Variants in MCL1 observed in about 807,000 individuals in gnomAD.
MCL1 encodes the protein MCL1 apoptosis regulator, BCL2 family member, also known as induced myeloid leukemia cell differentiation protein Mcl-1.
Under a neutral mutation model 24.2 loss-of-function variants are expected in MCL1, and 4 were observed. The observed-to-expected ratio is 0.17, with a 90% CI of 0.08 to 0.38. MCL1 has a LOEUF of 0.38. Ranked by LOEUF, MCL1 falls within the 10% of genes least tolerant of loss-of-function variation. The pLI, the probability that MCL1 is intolerant of heterozygous loss-of-function variation, is 1.00. For missense variants in MCL1, 529 were observed against 480.3 expected, an observed-to-expected ratio of 1.10 and a Z score of -0.95; for synonymous variants, 248 against 214.0, an observed-to-expected ratio of 1.16 and a Z score of -1.39.
rs1214447109 is a variant in MCL1, at chr1:150,575,441, CCT to C, written c.*1932_*1933del. The C allele has an allele frequency of 2.1e-5, 5 of 232,994 alleles. No homozygotes were observed. Among genetic ancestry groups the C allele is most frequent in the African/African-American group, 8.8e-5 (4 of 45,444 alleles). The allele number at this position is 232,994 out of a possible 1,614,324, so 14.4% of individuals were successfully genotyped here. On this transcript the variant is annotated 3_prime_UTR_variant, in exon 3 of 3. Coordinates refer to ENST00000369026, the MANE Select transcript of MCL1 (RefSeq NM_021960.5). Reference sequence around the variant, plus strand: ...AAACTCTGAGGTTTAACACAGCTCACCTCTTTCTGTAAATTTAAGTGAGCATA... The same window carrying C: ...AAACTCTGAGGTTTAACACAGCTCACCTTTCTGTAAATTTAAGTGAGCATA...
chr1:150,579,476 C>T lies in MCL1; in HGVS notation c.55G>A (p.Ala19Thr). 1.9e-6 allele frequency: 3 copies of T among 1,592,200 alleles called. No individual in the cohort carries two copies. The highest frequency in any genetic ancestry group is 1.1e-5 in the South Asian group (1 of 89,804). The part of the protein sequence containing the change: ...VIGLNLYCGG[A>T]GLGAGSGGAT... ...CCGCCGCTGCCGGCCCCCAAGCCGG[C>T]CCCCCCACAGTAGAGGTTGAGTCCG... Residue 19 changes from alanine to threonine, a missense_variant, in exon 1 of 3, where the codon GCC (alanine) becomes ACC (threonine). Coordinates refer to ENST00000369026, the MANE Select transcript of MCL1 (RefSeq NM_021960.5).
Position 150,578,472 on chromosome 1 carries a change from G to A in MCL1, c.708C>T (p.Asp236=), listed in dbSNP as rs376064510. 5 of 1,614,044 alleles carry A rather than the reference G, an allele frequency of 3.1e-6. No homozygotes were observed. In the African/African-American group the frequency reaches 5.3e-5, roughly 17 times the overall value. The change falls in exon 2 of 3, where the codon GAC becomes GAT. Residue 236 remains aspartate, a synonymous_variant. Coordinates refer to ENST00000369026, the MANE Select transcript of MCL1 (RefSeq NM_021960.5). ...TAFQGMLRKL[D]IKNEDDVKSL... ...ATTTCACATCGTCTTCGTTTTTGAT[G>A]TCCAGTTTCCGAAGCATGCCTGAGA...
In MCL1 at chr1:150,576,586, CG is replaced by C; in HGVS notation, c.*788del. 4.3e-6 allele frequency: 1 copy of C among 232,266 alleles called. No individual in the cohort carries two copies. Among genetic ancestry groups the C allele is most frequent in the Non-Finnish European group, 8.5e-6 (1 of 117,322 alleles). The allele number at this position is 232,266 out of a possible 1,614,324, so 14.4% of individuals were successfully genotyped here. ...GCTGTAAGAAACAGGTTCCTAATTA[CG>C]GAAGTTGCAAAGTTCAAAAGGGTAT... On this transcript the variant is annotated 3_prime_UTR_variant, in exon 3 of 3. Coordinates refer to ENST00000369026, the MANE Select transcript of MCL1 (RefSeq NM_021960.5).
rs1647969988 is a variant in MCL1 at position 150,579,241 on chromosome 1, A to G, written c.290T>C (p.Leu97Pro). ...PDVTATPARL[L>P]FFAPTRRAAP... ...CGCGCGGCGGGTGGGCGCGAAGAAA[A>G]GCAGCCTCGCGGGGGTCGCGGTGAC... is the stretch of plus-strand genomic sequence containing the variant. Residue 97 changes from leucine (L) to proline (P), a missense_variant, in exon 1 of 3, where the codon CTT becomes CCT. Transcript: ENST00000369026. The G allele has an allele frequency of 6.5e-7, 1 of 1,542,298 alleles. No individual in the cohort carries two copies. The highest frequency in any genetic ancestry group is 2.0e-5 in the Admixed American group (1 of 49,558).
chr1:150,579,365 C>A lies in MCL1; in HGVS notation c.166G>T (p.Val56Leu), dbSNP rs2101700281. The change falls in exon 1 of 3, where the codon GTG (valine) becomes TTG (leucine). Residue 56 changes from valine to leucine, a missense_variant. Physicochemically the swap from Val to Leu is conservative, Grantham distance 32. Transcript: ENST00000369026. ...CTTGCGCCGGCGCTTCCGCCAATCA[C>A]CGCGCCGGCCTCCCCTCCCCCTATC... The part of the protein sequence containing the change: ...REIGGGEAGA[V>L]IGGSAGASPP... The A allele has an allele frequency of 1.3e-6, 2 of 1,488,820 alleles. No individual in the cohort carries two copies. Among genetic ancestry groups the A allele is most frequent in the South Asian group, 1.4e-5 (1 of 73,782 alleles). 92.2% of individuals were successfully genotyped at this position (1,488,820 alleles called of 1,614,324 possible).
In MCL1 at chr1:150,577,488, C is replaced by T. The variant is rs1570981007; in HGVS notation, c.940G>A (p.Gly314Arg). 6.2e-7 allele frequency: 1 copy of T among 1,603,378 alleles called. No homozygotes were observed. Among genetic ancestry groups the T allele is most frequent in the Non-Finnish European group, 8.5e-7 (1 of 1,176,764 alleles). ...TCTACATGGAAGAACTCCACAAACCCATCCTAGAAAACAAAAAAGAAAAGC... is the reference window on the plus strand; with the variant it reads ...TCTACATGGAAGAACTCCACAAACCTATCCTAGAAAACAAAAAAGAAAAGC... ...DWLVKQRGWD[G>R]FVEFFHVEDL... Residue 314 changes from glycine (G) to arginine (R), a missense_variant, in exon 3 of 3, where the codon GGG becomes AGG. By Grantham distance (125) the Gly-to-Arg change is moderately radical. Transcript: ENST00000369026.
rs192106468 is a variant in MCL1, at chr1:150,577,141, T to C, written c.*234A>G. 2.0e-3 allele frequency: 895 copies of C among 455,648 alleles called. 26 individuals are homozygous for C. The East Asian group carries it at 0.03, about 15-fold the overall frequency. The allele number at this position is 455,648 out of a possible 1,614,324, so 28.2% of individuals were successfully genotyped here. A position where few individuals can be genotyped will look rare whatever the true frequency, so the allele number is the denominator to read the frequency against. On this transcript the variant is annotated 3_prime_UTR_variant, in exon 3 of 3. Coordinates refer to ENST00000369026, the MANE Select transcript of MCL1 (RefSeq NM_021960.5). ...TCCTCCATAGCTTCCCAAACAAAGT[T>C]TGTTTGTTGCTGAAACTGAACTTTG...
In MCL1 at chr1:150,576,453, T is replaced by C. The variant is rs1647810017; in HGVS notation, c.*922A>G. 4.3e-6 allele frequency: 1 copy of C among 232,278 alleles called. No individual in the cohort carries two copies. The highest frequency in any genetic ancestry group is 6.1e-5 in the East Asian group (1 of 16,282). 14.4% of individuals were successfully genotyped at this position (232,278 alleles called of 1,614,324 possible). A position where few individuals can be genotyped will look rare whatever the true frequency, so the allele number is the denominator to read the frequency against. On this transcript the variant is annotated 3_prime_UTR_variant, in exon 3 of 3. Coordinates refer to ENST00000369026, the MANE Select transcript of MCL1 (RefSeq NM_021960.5). ...AAAATCAGATAAGAAAATTTAAACC[T>C]GCATAGTTATCAGATTTGTTCCACT...
intron 1 of MCL1, 31 bp downstream of exon 1, chr1:150,578,812 T>G (rs759684687): frequency 1.3e-6 from 2 of 1,584,966 alleles, no homozygotes; most frequent in Non-Finnish European, 1.7e-6. Flanking sequence ...AAAAAGGGAG[T>G]GAGGCCTTGG....
chr1:150,579,234 G>A lies in MCL1; in HGVS notation c.297C>T (p.Phe99=), dbSNP rs772436306. 17 of 1,554,476 alleles carry A rather than the reference G, an allele frequency of 1.1e-5. No individual in the cohort carries two copies. In the Middle Eastern group the frequency reaches 5.2e-4, roughly 47 times the overall value. The change falls in exon 1 of 3, where the codon TTC becomes TTT. Residue 99 remains phenylalanine, a synonymous_variant. Coordinates refer to ENST00000369026, the MANE Select transcript of MCL1 (RefSeq NM_021960.5). Reference sequence around the variant, plus strand: ...GCGGCGCCGCGCGGCGGGTGGGCGCGAAGAAAAGCAGCCTCGCGGGGGTCG... The same window carrying A: ...GCGGCGCCGCGCGGCGGGTGGGCGCAAAGAAAAGCAGCCTCGCGGGGGTCG... ...VTATPARLLF[F]APTRRAAPLE...
At position 150,576,036 on chromosome 1, in the gene MCL1, T is replaced by C. The variant is rs1385151061; in HGVS notation, c.*1339A>G. The C allele has an allele frequency of 8.6e-6, 2 of 233,572 alleles. No individual in the cohort carries two copies. The highest frequency in any genetic ancestry group is 2.2e-5 in the African/African-American group (1 of 45,342). The allele number at this position is 233,572 out of a possible 1,614,324, so 14.5% of individuals were successfully genotyped here. On this transcript the variant is annotated 3_prime_UTR_variant, in exon 3 of 3. Coordinates refer to ENST00000369026, the MANE Select transcript of MCL1 (RefSeq NM_021960.5). ...CTGTGTGTGTAACAAGCAAGCCTAA[T>C]AATAGCACCATGGTTAGACTAGCCT...
Position 150,577,144 on chromosome 1 carries a change from T to C in MCL1, c.*231A>G. ...TCCATAGCTTCCCAAACAAAGTTTG[T>C]TTGTTGCTGAAACTGAACTTTGCTT... On this transcript the variant is annotated 3_prime_UTR_variant, in exon 3 of 3. Coordinates refer to ENST00000369026, the MANE Select transcript of MCL1 (RefSeq NM_021960.5). The C allele has an allele frequency of 2.1e-6, 1 of 466,398 alleles. No homozygotes were observed. The highest frequency in any genetic ancestry group is 3.8e-6 in the Non-Finnish European group (1 of 262,460). The allele number at this position is 466,398 out of a possible 1,614,324, so 28.9% of individuals were successfully genotyped here.
rs2101695404 is a variant in MCL1, at chr1:150,578,247, G to A, written c.933C>T (p.Gly311=). ...TTCATCCTTAAGGCAAACTTACCCAGCCTCTTTGTTTAACTAGCCAGTCCC... is the reference window on the plus strand; with the variant it reads ...TTCATCCTTAAGGCAAACTTACCCAACCTCTTTGTTTAACTAGCCAGTCCC... ...TKRDWLVKQR[G]WDGFVEFFHV... The change falls in exon 2 of 3, where the codon GGC becomes GGT. Residue 311 remains glycine (G), a synonymous_variant. Coordinates refer to ENST00000369026, the MANE Select transcript of MCL1 (RefSeq NM_021960.5). The A allele has an allele frequency of 6.2e-7, 1 of 1,613,028 alleles. No individual in the cohort carries two copies. The highest frequency in any genetic ancestry group is 1.1e-5 in the South Asian group (1 of 90,860).
At chr1:150,578,673 C>G in intron 1 of MCL1, 170 bp downstream of exon 1, 2 of 1,025,016 alleles carry the variant, frequency 2.0e-6, no homozygotes, top group East Asian at 2.5e-5. Flanking sequence ...CCAAAAGAAT[C>G]AAGATGGGCG....
rs754763165 is a variant in MCL1 at position 150,574,595 on chromosome 1, CAG to C, written c.*2778_*2779del. ...ATTTATTTTTTTTTCTCAGGAAAAA[CAG>C]AAAGTTAGGGAAACACACTACATTT... On this transcript the variant is annotated 3_prime_UTR_variant, in exon 3 of 3. Transcript: ENST00000369026. 35 of 230,800 alleles carry C rather than the reference CAG, an allele frequency of 1.5e-4. 1 individual carries two copies. The highest frequency in any genetic ancestry group is 5.8e-4 in the African/African-American group (26 of 45,104). The allele number at this position is 230,800 out of a possible 1,614,324, so 14.3% of individuals were successfully genotyped here. A position where few individuals can be genotyped will look rare whatever the true frequency, so the allele number is the denominator to read the frequency against.
At position 150,575,796 on chromosome 1, in the gene MCL1, G is replaced by A. The variant is rs914617941; in HGVS notation, c.*1579C>T. The stretch of plus-strand genomic sequence containing the variant: ...GGCTAGAAAGAGTTCAGGGATGGCA[G>A]GGGAAAGCTGTAGGAATTGATATAA... On this transcript the variant is annotated 3_prime_UTR_variant, in exon 3 of 3. Transcript: ENST00000369026. The A allele has an allele frequency of 7.3e-5, 17 of 233,104 alleles. No homozygotes were observed. The highest frequency in any genetic ancestry group is 3.5e-4 in the African/African-American group (16 of 45,312). The allele number at this position is 233,104 out of a possible 1,614,324, so 14.4% of individuals were successfully genotyped here. A position where few individuals can be genotyped will look rare whatever the true frequency, so the allele number is the denominator to read the frequency against.
chr1:150,579,606 G>C lies in MCL1; in HGVS notation c.-76C>G, dbSNP rs1488207374. The stretch of plus-strand genomic sequence containing the variant: ...CCTTACTGGAAGGAAGCGGAAGTGA[G>C]AAGTGGCGAGCAGCTCCTTTATCAC... On this transcript the variant is annotated 5_prime_UTR_variant, in exon 1 of 3. Coordinates refer to ENST00000369026, the MANE Select transcript of MCL1 (RefSeq NM_021960.5). 6.9e-7 allele frequency: 1 copy of C among 1,444,422 alleles called. No individual in the cohort carries two copies. Among genetic ancestry groups the C allele is most frequent in the East Asian group, 2.6e-5 (1 of 38,538 alleles). 89.5% of individuals were successfully genotyped at this position (1,444,422 alleles called of 1,614,324 possible).
chr1:150,575,483 A>G lies in MCL1; in HGVS notation c.*1892T>C. 4.3e-6 allele frequency: 1 copy of G among 233,086 alleles called. No homozygotes were observed. The highest frequency in any genetic ancestry group is 2.2e-5 in the African/African-American group (1 of 45,456). 14.4% of individuals were successfully genotyped at this position (233,086 alleles called of 1,614,324 possible). A position where few individuals can be genotyped will look rare whatever the true frequency, so the allele number is the denominator to read the frequency against. ...AAGTGAGCATACTCCTATACAAAGG[A>G]AACTTTAGAGAAAGCCTCATAAAAT... is the stretch of plus-strand genomic sequence containing the variant. On this transcript the variant is annotated 3_prime_UTR_variant, in exon 3 of 3. Transcript: ENST00000369026.
chr1:150,576,380 A>C lies in MCL1; in HGVS notation c.*995T>G, dbSNP rs1369436224. 1 of 226,516 alleles carries C rather than the reference A, an allele frequency of 4.4e-6. No individual in the cohort carries two copies. The highest frequency in any genetic ancestry group is 8.6e-6 in the Non-Finnish European group (1 of 116,440). 14.0% of individuals were successfully genotyped at this position (226,516 alleles called of 1,614,324 possible). A position where few individuals can be genotyped will look rare whatever the true frequency, so the allele number is the denominator to read the frequency against. ...TGAAGTGAAAGAATTTCCATTCATC[A>C]ACCTCTCAATCCCAGGTTTTCAAAG... On this transcript the variant is annotated 3_prime_UTR_variant, in exon 3 of 3. Transcript: ENST00000369026.
Sources: allele counts gnomAD v4.1 joint callset, GRCh38; gene constraint gnomAD v4.1.1; transcripts MANE v1.5; gene names NCBI Gene and HGNC (gene_info 2026-07-23, HGNC 2026-07-21).